Variants in PLB1 observed in about 807,000 individuals in gnomAD.
The protein encoded by PLB1 is phospholipase B1, membrane-associated.
PLB1 carries 242 observed loss-of-function variants against 227.4 expected under a neutral mutation model. The ratio of observed to expected loss-of-function variants is 1.06; its 90% CI spans 0.96 to 1.18. PLB1 has a LOEUF of 1.18. Ranked by LOEUF, PLB1 falls within the 50% of genes most tolerant of loss-of-function variation. The probability of loss-of-function intolerance (pLI) is 0.00; values close to 1 mark genes in which losing one functional copy is unlikely to be tolerated. For synonymous variants in PLB1, 757 were observed against 682.2 expected, an observed-to-expected ratio of 1.11 and a Z score of -1.71; for missense variants, 1,858 against 1,816.3, an observed-to-expected ratio of 1.02 and a Z score of -0.42.
intron 25 of PLB1, chr2:28,585,525 C>T (rs367931894): frequency 2.3e-6 from 1 of 439,988 alleles, no homozygotes; most frequent in Non-Finnish European, 4.3e-6. Flanking sequence ...GATCCACCCA[C>T]CTCGGCCCAC....
At chr2:28,633,765 A>G (rs1420614628) in intron 56 of PLB1, among the ~76,000 whole-genome samples, 1 of 152,238 alleles carries the variant, frequency 6.6e-6, no homozygotes, top group Non-Finnish European at 1.5e-5. Context: ...ACCCCCAACA[A>G]CTGGATCCTC....
chr2:28,559,526 A>G (rs1416800131), intron 17 of PLB1, among the ~76,000 whole-genome samples: 1 of 152,218 alleles, frequency 6.6e-6, no homozygotes, highest in Non-Finnish European at 1.5e-5. Context: ...TGCAGACAGC[A>G]TGAAAGAAGG....
intron 41 of PLB1, among the ~76,000 whole-genome samples, chr2:28,605,041 A>G: frequency 6.6e-6 from 1 of 152,216 alleles, no homozygotes; most frequent in Non-Finnish European, 1.5e-5. Flanking sequence ...GAGTGTGATC[A>G]TCCGCATGGA....
intron 12 of PLB1, among the ~76,000 whole-genome samples, chr2:28,541,184 AT>A (rs879912701): frequency 1.3e-3 from 58 of 43,924 alleles, no homozygotes; most frequent in Middle Eastern, 9.4e-3. Flanking sequence ...AAATAAATAA[AT>A]TAAATAAATA....
chr2:28,620,272 T>G lies in PLB1; in HGVS notation c.3323T>G (p.Val1108Gly). 1 of 1,601,526 alleles carries G rather than the reference T, an allele frequency of 6.2e-7. No individual in the cohort carries two copies. The highest frequency in any genetic ancestry group is 8.5e-7 in the Non-Finnish European group (1 of 1,172,460). Residue 1108 changes from valine to glycine, a missense_variant, in exon 47 of 58, where the codon GTG (valine) becomes GGG (glycine). Coordinates refer to ENST00000327757, the MANE Select transcript of PLB1 (RefSeq NM_153021.5). ...TCTTTTTGCTTTTTACAGACAGCAGTGGGAGCTCGACCAAACAACTCCAGT... is the reference window on the plus strand; with the variant it reads ...TCTTTTTGCTTTTTACAGACAGCAGGGGGAGCTCGACCAAACAACTCCAGT... ...AALGDSLTTA[V>G]GARPNNSSDL...
chr2:28,544,238 G>C (rs1412535332), intron 14 of PLB1, among the ~76,000 whole-genome samples: 1 of 152,214 alleles, frequency 6.6e-6, no homozygotes, highest in Admixed American at 6.5e-5. Context: ...CTCTGAACAG[G>C]GACGTCTCTC....
rs74261416 is a variant in PLB1 at position 28,581,989 on chromosome 2, C to A, written c.1567-79C>A. The A allele has an allele frequency of 1.8e-5, 25 of 1,373,600 alleles. No homozygotes were observed. The East Asian group carries it at 5.3e-4, about 29-fold the overall frequency. 85.1% of individuals were successfully genotyped at this position (1,373,600 alleles called of 1,614,324 possible). ...AAAAGAAAAAAAAAAAAGAAGGGGACCCAAGAGAGAAAGTAGCCCTGTTCT... is the reference window on the plus strand; with the variant it reads ...AAAAGAAAAAAAAAAAAGAAGGGGAACCAAGAGAGAAAGTAGCCCTGTTCT... On this transcript the variant is annotated intron_variant, in intron 23 of 57. Transcript: ENST00000327757.
chr2:28,502,372 C>T (rs1667201561), intron 1 of PLB1, among the ~76,000 whole-genome samples: 1 of 152,026 alleles, frequency 6.6e-6, no homozygotes, highest in African/African-American at 2.4e-5. Flanking sequence ...TGTGTGTGTT[C>T]ATATTAAGGA....
Position 28,626,527 on chromosome 2 carries a change from C to T in PLB1, c.3660+19C>T. ...GAATCCGGTAGGCCCCCGACCAACC[C>T]CATGGGGACCTGAGAAGGAAGGTGC... On this transcript the variant is annotated intron_variant, in intron 51 of 57. Transcript: ENST00000327757. The T allele has an allele frequency of 6.2e-7, 1 of 1,605,884 alleles. No individual in the cohort carries two copies. Among genetic ancestry groups the T allele is most frequent in the Non-Finnish European group, 8.5e-7 (1 of 1,172,508 alleles).
At chr2:28,617,350 A>C (rs1185964651) in intron 44 of PLB1, among the ~76,000 whole-genome samples, 1 of 152,184 alleles carries the variant, frequency 6.6e-6, no homozygotes, top group Non-Finnish European at 1.5e-5. Context: ...CTGTAATCTC[A>C]TGTTAGGCAT....
intron 3 of PLB1, 33 bp from the exon 4 acceptor site, chr2:28,519,672 C>A (rs183727150): frequency 3.9e-6 from 6 of 1,529,770 alleles, no homozygotes; most frequent in South Asian, 1.1e-5. Context: ...GAATGTAGAT[C>A]TGACCTTCCT....
intron 33 of PLB1, among the ~76,000 whole-genome samples, chr2:28,597,181 A>G (rs539800954): frequency 9.9e-5 from 15 of 151,098 alleles, no homozygotes; most frequent in African/African-American, 1.5e-4. Context: ...GGAGAATGGC[A>G]TGAACCCGGG....
intron 23 of PLB1, among the ~76,000 whole-genome samples, chr2:28,580,079 C>T (rs1005649498): frequency 6.6e-6 from 1 of 152,226 alleles, no homozygotes; most frequent in Non-Finnish European, 1.5e-5. Context: ...TGTGCTGTCA[C>T]TTGTATGGGA....
chr2:28,565,246 C>G, intron 18 of PLB1, 34 bp from the exon 19 acceptor site: 1 of 1,582,600 alleles, frequency 6.3e-7, no homozygotes, highest in Non-Finnish European at 8.6e-7. Flanking sequence ...CTGGGGAAAG[C>G]AGAGAAACTC....
intron 9 of PLB1, 118 bp from the exon 10 acceptor site, chr2:28,538,200 TA>T: frequency 8.6e-7 from 1 of 1,166,100 alleles, no homozygotes. Context: ...ATGCCAGGTC[TA>T]GATGGTGCCT....
chr2:28,566,774 C>G (rs766142598), intron 19 of PLB1, 22 bp from the exon 20 acceptor site: 2 of 1,613,784 alleles, frequency 1.2e-6, no homozygotes, highest in Non-Finnish European at 8.5e-7. Flanking sequence ...CCTTCATTTT[C>G]TTTCTTGGAC....
intron 8 of PLB1, among the ~76,000 whole-genome samples, chr2:28,531,301 T>TTTTTG (rs201270421): frequency 5.3e-5 from 8 of 152,078 alleles, no homozygotes; most frequent in East Asian, 3.8e-4. Flanking sequence ...TGTTTTTTGT[T>TTTTTG]TTTTGTTTTG....
chr2:28,528,939 GTCTTT>G (rs1351992191), intron 6 of PLB1, among the ~76,000 whole-genome samples: 2 of 136,474 alleles, frequency 1.5e-5, no homozygotes, highest in African/African-American at 5.8e-5. Flanking sequence ...AAGGGAGTCA[GTCTTT>G]TTTTTTTTTT....
At chr2:28,634,055 C>T (rs544863287) in intron 56 of PLB1, among the ~76,000 whole-genome samples, 1 of 152,326 alleles carries the variant, frequency 6.6e-6, no homozygotes, top group African/African-American at 2.4e-5. Flanking sequence ...ATACCATCTC[C>T]TCCTCTCTAG....
Sources: gnomAD v4.1 joint callset for allele counts (sites outside exome capture counted in the v4.1 genomes callset) on GRCh38, gnomAD v4.1.1 for gene constraint, MANE v1.5 for transcripts, NCBI Gene and HGNC (gene_info 2026-07-23, HGNC 2026-07-21) for gene names.